AK8: variants seen among roughly 807,000 people sequenced by gnomAD.
AK8 encodes the protein ATP-AMP transphosphorylase 8.
AK8 carries 44 observed loss-of-function variants against 54.6 expected under a neutral mutation model. That is an observed-to-expected ratio of 0.81 (90% CI 0.63 to 1.04). AK8 has a LOEUF of 1.04. AK8 is among the 50% of genes least tolerant of loss of function. AK8 has a pLI of 0.00. For missense variants in AK8, 555 were observed against 613.6 expected, an observed-to-expected ratio of 0.90 and a Z score of 1.01; for synonymous variants, 239 against 245.6, an observed-to-expected ratio of 0.97 and a Z score of 0.25.
intron 11 of AK8, among the ~76,000 whole-genome samples, chr9:132,785,236 T>G (rs1379371771): frequency 2.0e-5 from 3 of 152,020 alleles, no homozygotes; most frequent in Non-Finnish European, 4.4e-5. Context: ...CCTGAGTAGC[T>G]GGGACTACAG....
At chr9:132,727,650 T>TC in intron 11 of AK8, 116 bp from the exon 12 acceptor site, 1 of 961,858 alleles carries the variant, frequency 1.0e-6, no homozygotes, top group Non-Finnish European at 1.6e-6. Context: ...GCTGGCCGAT[T>TC]CCTAGAGCCA....
intron 5 of AK8, among the ~76,000 whole-genome samples, chr9:132,841,216 G>A (rs1842528959): frequency 6.6e-6 from 1 of 152,184 alleles, no homozygotes; most frequent in Non-Finnish European, 1.5e-5. Context: ...ACCAGTCCCT[G>A]TCTGAGTGTC....
chr9:132,789,605 A>C, intron 11 of AK8, among the ~76,000 whole-genome samples: 1 of 143,176 alleles, frequency 7.0e-6, no homozygotes, highest in Non-Finnish European at 1.5e-5. Flanking sequence ...CACAAAAAAA[A>C]AAAAAAAAAA....
At chr9:132,857,006 GACAGAATGAATGAATGAATGGATGGTGC>G (rs1843197051) in intron 4 of AK8, among the ~76,000 whole-genome samples, 1 of 152,154 alleles carries the variant, frequency 6.6e-6, no homozygotes, top group African/African-American at 2.4e-5. Context: ...AAGAGGGAGA[GACAGAATGAATGAATGAATGGATGGTGC>G]ACAGAGGAAA....
chr9:132,812,019 G>C (rs1841038219), intron 10 of AK8, among the ~76,000 whole-genome samples: 1 of 152,168 alleles, frequency 6.6e-6, no homozygotes, highest in Non-Finnish European at 1.5e-5. Context: ...TATCTGGTTA[G>C]TGGGGAATTA....
chr9:132,761,269 C>T (rs201247650), intron 11 of AK8, among the ~76,000 whole-genome samples: 26,969 of 124,150 alleles, frequency 0.22, 4,354 homozygotes, highest in African/African-American at 0.45. Flanking sequence ...CTTTTCTTTT[C>T]TTTTTTTTTT....
intron 11 of AK8, among the ~76,000 whole-genome samples, chr9:132,773,338 C>G (rs1051288632): frequency 6.6e-6 from 1 of 152,176 alleles, no homozygotes; most frequent in African/African-American, 2.4e-5. Context: ...ACATACCACC[C>G]TGTCCTCTCC....
chr9:132,862,484 T>G (rs1041199319), intron 4 of AK8, among the ~76,000 whole-genome samples: 2 of 152,094 alleles, frequency 1.3e-5, no homozygotes, highest in African/African-American at 4.8e-5. Flanking sequence ...CCCACCACCA[T>G]GCGCACCTAA....
intron 10 of AK8, 84 bp from the exon 11 acceptor site, chr9:132,792,859 T>C: frequency 6.8e-7 from 1 of 1,463,246 alleles, no homozygotes; most frequent in Non-Finnish European, 9.1e-7. Flanking sequence ...GGCCATAGAT[T>C]GAGCTGCTGA....
chr9:132,814,479 G>A (rs560030171), intron 10 of AK8, among the ~76,000 whole-genome samples, 159 bp downstream of exon 10: 86 of 152,046 alleles, frequency 5.7e-4, no homozygotes, highest in Admixed American at 1.9e-3. Flanking sequence ...AGGCCTTACC[G>A]GAAGCAAGCA....
At chr9:132,876,404 C>T (rs1216052457) in intron 1 of AK8, among the ~76,000 whole-genome samples, 1 of 152,122 alleles carries the variant, frequency 6.6e-6, no homozygotes, top group Admixed American at 6.5e-5. Flanking sequence ...GAGGCAAAAG[C>T]GGCTATTTAA....
At chr9:132,869,040 C>A (rs906535564) in intron 2 of AK8, among the ~76,000 whole-genome samples, 1 of 152,064 alleles carries the variant, frequency 6.6e-6, no homozygotes, top group African/African-American at 2.4e-5. Context: ...ATTAGACAGG[C>A]GTGGTGGCAC....
Position 132,737,750 on chromosome 9 carries a change from A to G in AK8, c.1122-10216T>C, listed in dbSNP as rs558942763. Among the ~76,000 whole-genome samples, 6 of 152,360 alleles carry G rather than the reference A, an allele frequency of 3.9e-5. No homozygotes were observed. The South Asian group carries it at 1.2e-3, about 32-fold the overall frequency. ...CCCAATAAAGGGCATTTACTTAAAA[A>G]CTATAGTTAAGATCATACTTAATGC... On this transcript the variant is annotated intron_variant, in intron 11 of 12. Coordinates refer to ENST00000298545, the MANE Select transcript of AK8 (RefSeq NM_152572.3).
intron 11 of AK8, among the ~76,000 whole-genome samples, chr9:132,740,193 T>TA (rs1485348377): frequency 6.6e-6 from 1 of 152,196 alleles, no homozygotes; most frequent in Non-Finnish European, 1.5e-5. Flanking sequence ...CCAACACGGG[T>TA]ACTGGTCAGA....
chr9:132,831,926 T>C (rs1223827324), intron 5 of AK8, among the ~76,000 whole-genome samples: 2 of 151,488 alleles, frequency 1.3e-5, no homozygotes, highest in African/African-American at 2.4e-5. Flanking sequence ...GCCAGGCGCG[T>C]TGGTGCACAC....
In AK8 at chr9:132,854,886, G is replaced by A. The variant is rs760354050; in HGVS notation, c.373C>T (p.Arg125Cys). Reference protein sequence around the residue: ...SALLVQLIQERLAEEDCIKQG... With the variant: ...SALLVQLIQECLAEEDCIKQG... ...TTGATGCAATCCTCTTCAGCCAGGC[G>A]TTCCTGAATCAGCTGGACGAGCAGC... Residue 125 changes from arginine to cysteine, a missense_variant, in exon 5 of 13, where the codon CGC becomes TGC. By Grantham distance (180) the Arg-to-Cys change is radical (BLOSUM62 -3). Transcript: ENST00000298545. 37 of 1,613,902 alleles carry A rather than the reference G, an allele frequency of 2.3e-5. No individual in the cohort carries two copies. The highest frequency in any genetic ancestry group is 1.6e-4 in the Middle Eastern group (1 of 6,084).
intron 10 of AK8, among the ~76,000 whole-genome samples, chr9:132,795,489 A>C (rs1840126095): frequency 6.6e-6 from 1 of 152,234 alleles, no homozygotes; most frequent in Admixed American, 6.5e-5. Flanking sequence ...ATACCGATTT[A>C]AAACAATGTA....
chr9:132,727,335 C>T (rs1033252638), intron 12 of AK8, 119 bp downstream of exon 12: 15 of 898,650 alleles, frequency 1.7e-5, no homozygotes, highest in East Asian at 1.5e-4. Flanking sequence ...TTTTGATAAT[C>T]GTCCTTCAGT....
At chr9:132,764,691 A>G (rs1274627704) in intron 11 of AK8, among the ~76,000 whole-genome samples, 1 of 152,212 alleles carries the variant, frequency 6.6e-6, no homozygotes, top group Non-Finnish European at 1.5e-5. Context: ...CATCACAGAA[A>G]AGCCCAGGAC....
Sources: allele counts gnomAD v4.1 joint callset (sites outside exome capture counted in the v4.1 genomes callset), GRCh38; gene constraint gnomAD v4.1.1; transcripts MANE v1.5; gene names NCBI Gene and HGNC (gene_info 2026-07-23, HGNC 2026-07-21).